TSHZ3: variants seen among roughly 807,000 people sequenced by gnomAD.
The protein encoded by TSHZ3 is teashirt homolog 3.
A neutral mutation model predicts 64.5 loss-of-function variants in TSHZ3; 10 were observed. The ratio of observed to expected loss-of-function variants is 0.16; its 90% CI spans 0.10 to 0.26. The LOEUF (loss-of-function observed/expected upper bound fraction) is 0.26, where lower values mean the gene tolerates loss of function less well. Ranked by LOEUF, TSHZ3 falls within the 10% of genes least tolerant of loss-of-function variation. TSHZ3 has a pLI of 1.00. For missense variants in TSHZ3, 1,242 were observed against 1,421.7 expected (o/e 0.87, Z 2.03); for synonymous variants, 608 against 593.1 (o/e 1.03, Z -0.36).
chr19:31,214,051 C>T (rs1975294708), intron 4 of TSHZ3, among the ~76,000 whole-genome samples: 1 of 152,204 alleles, frequency 6.6e-6, no homozygotes. Flanking sequence ...CTAGAAAGGA[C>T]GAGAGATTCT....
intron 3 of TSHZ3, among the ~76,000 whole-genome samples, chr19:31,237,129 C>G (rs1975628065): frequency 6.6e-6 from 1 of 152,152 alleles, no homozygotes; most frequent in Non-Finnish European, 1.5e-5. Flanking sequence ...GACTGGGAGA[C>G]AGAGCGAAAC....
At position 31,277,113 on chromosome 19, in the gene TSHZ3, G is replaced by A; in HGVS notation, c.2680C>T (p.Arg894Cys). Residue 894 changes from arginine (R) to cysteine (C), a missense_variant, in exon 2 of 2, where the codon CGC (arginine) becomes TGC (cysteine). By Grantham distance (180) the Arg-to-Cys change is radical. Coordinates refer to ENST00000240587, the MANE Select transcript of TSHZ3 (RefSeq NM_020856.4). This position sits in a 1 kb window ranked among gnomAD's most constrained non-coding sequence, Gnocchi z 4.5. ...ESTPAQKRKG[R>C]QSNWNPQHLL... Reference sequence around the variant, plus strand: ...TGCTGGGGGTTCCAGTTTGACTGGCGGCCCTTCCTCTTCTGGGCGGGCGTC... The same window carrying A: ...TGCTGGGGGTTCCAGTTTGACTGGCAGCCCTTCCTCTTCTGGGCGGGCGTC... The A allele has an allele frequency of 6.2e-7, 1 of 1,603,448 alleles. No individual in the cohort carries two copies. Among genetic ancestry groups the A allele is most frequent in the Non-Finnish European group, 8.5e-7 (1 of 1,173,622 alleles).
At chr19:31,227,664 T>TC (rs1346368741) in intron 4 of TSHZ3, among the ~76,000 whole-genome samples, 1 of 152,086 alleles carries the variant, frequency 6.6e-6, no homozygotes. Flanking sequence ...GGCTTTATAT[T>TC]GCGTACCCCA....
At chr19:31,190,020 C>A (rs141963875) in intron 5 of TSHZ3, among the ~76,000 whole-genome samples, 1 of 150,502 alleles carries the variant, frequency 6.6e-6, no homozygotes, top group East Asian at 2.0e-4. Context: ...TAGAGCCATG[C>A]TAGATTTCTT....
intron 1 of TSHZ3, among the ~76,000 whole-genome samples, chr19:31,317,410 G>A (rs1439816598): frequency 1.3e-5 from 2 of 152,186 alleles, no homozygotes; most frequent in Non-Finnish European, 2.9e-5. Flanking sequence ...CAAAGAGCTG[G>A]GGGACCCTGG....
At chr19:31,337,856 G>A (rs1389303365) in intron 1 of TSHZ3, among the ~76,000 whole-genome samples, 3 of 152,126 alleles carry the variant, frequency 2.0e-5, no homozygotes, top group African/African-American at 7.2e-5. Context: ...TGTCCCAGAA[G>A]CAGCAAGATA....
chr19:31,339,878 C>T (rs1405315603), intron 1 of TSHZ3, among the ~76,000 whole-genome samples: 1 of 146,066 alleles, frequency 6.8e-6, no homozygotes, highest in South Asian at 2.2e-4. Flanking sequence ...GTCGCAACAC[C>T]GTGGGTTATT....
chr19:31,246,404 T>A (rs1224933930), intron 1 of TSHZ3, among the ~76,000 whole-genome samples: 4 of 152,090 alleles, frequency 2.6e-5, no homozygotes, highest in Non-Finnish European at 5.9e-5. Flanking sequence ...ACAGTAAAAA[T>A]TAAAATAGCT....
intron 1 of TSHZ3, among the ~76,000 whole-genome samples, chr19:31,329,783 C>A (rs1181628405): frequency 6.6e-6 from 1 of 152,198 alleles, no homozygotes; most frequent in African/African-American, 2.4e-5. Context: ...CCCTTTCTCT[C>A]TTCACTCCAC....
intron 5 of TSHZ3, among the ~76,000 whole-genome samples, chr19:31,165,184 G>T (rs780469243): frequency 6.6e-6 from 1 of 152,180 alleles, no homozygotes; most frequent in Non-Finnish European, 1.5e-5. Flanking sequence ...TCCTTTCAGC[G>T]TCTGCCAATC....
At chr19:31,296,599 G>T (rs1237712847) in intron 1 of TSHZ3, among the ~76,000 whole-genome samples, 1 of 152,184 alleles carries the variant, frequency 6.6e-6, no homozygotes, top group Non-Finnish European at 1.5e-5. Context: ...GCCTCCCAAA[G>T]TGCTGGGATT....
chr19:31,333,528 G>A (rs1418386561), intron 1 of TSHZ3, among the ~76,000 whole-genome samples: 1 of 152,014 alleles, frequency 6.6e-6, no homozygotes, highest in African/African-American at 2.4e-5. Context: ...CCAACCCCGT[G>A]GCATGCAGAG....
chr19:31,176,201 G>C (rs1366765279), intron 5 of TSHZ3, among the ~76,000 whole-genome samples: 2 of 152,178 alleles, frequency 1.3e-5, no homozygotes, highest in Non-Finnish European at 2.9e-5. Flanking sequence ...ATCCAGGAGA[G>C]AGGCTTGGCT....
At chr19:31,227,995 A>G (rs974916824) in intron 4 of TSHZ3, among the ~76,000 whole-genome samples, 3 of 152,158 alleles carry the variant, frequency 2.0e-5, no homozygotes, top group Non-Finnish European at 4.4e-5. Flanking sequence ...CCATAAAACC[A>G]TCATCTTACC....
chr19:31,335,289 T>C lies in TSHZ3; in HGVS notation c.40+13891A>G, dbSNP rs558758876. 4.6e-5 allele frequency among the ~76,000 whole-genome samples: 7 copies of C among 152,256 alleles called. No individual in the cohort carries two copies. In the East Asian group the frequency reaches 1.2e-3, roughly 25 times the overall value. ...GCAAAGCGCTTTCTCAGCAATTATT[T>C]GGAAAGGAGAGATGGCAACTACAAG... On this transcript the variant is annotated intron_variant, in intron 1 of 1. Coordinates refer to ENST00000240587, the MANE Select transcript of TSHZ3 (RefSeq NM_020856.4).
chr19:31,233,785 T>C (rs1036860638), intron 3 of TSHZ3, among the ~76,000 whole-genome samples: 14 of 152,010 alleles, frequency 9.2e-5, no homozygotes, highest in Admixed American at 4.6e-4. Flanking sequence ...TTGAGGTTCA[T>C]TTTTTTTCTA....
chr19:31,235,543 T>A (rs1975596653), intron 3 of TSHZ3, among the ~76,000 whole-genome samples: 1 of 145,982 alleles, frequency 6.9e-6, no homozygotes, highest in South Asian at 2.2e-4. Flanking sequence ...AATGTGTGTA[T>A]GTGTGTGTGT....
upstream of TSHZ3, among the ~76,000 whole-genome samples, chr19:31,349,872 C>T (rs1437221099): frequency 2.0e-5 from 3 of 146,518 alleles, no homozygotes; most frequent in South Asian, 4.3e-4. Context: ...AGGAGATGAT[C>T]GTGTCAATCG....
chr19:31,323,626 C>CAAT, intron 1 of TSHZ3, among the ~76,000 whole-genome samples: 2 of 152,028 alleles, frequency 1.3e-5, no homozygotes, highest in African/African-American at 4.8e-5. Context: ...GGCTGGTTTA[C>CAAT]GAATACCCAG....
Sources: gnomAD v4.1 joint callset for allele counts (sites outside exome capture counted in the v4.1 genomes callset) on GRCh38, gnomAD v4.1.1 for gene constraint, Gnocchi (gnomAD v3.1) non-coding constraint, MANE v1.5 for transcripts, NCBI Gene and HGNC (gene_info 2026-07-23, HGNC 2026-07-21) for gene names.